The following STK38 variants were observed in gnomAD, a reference collection of about 807,000 sequenced individuals.
The protein encoded by STK38 is serine/threonine kinase 38, also known as serine/threonine-protein kinase 38.
In STK38, 26 loss-of-function variants were observed where a neutral mutation model predicts 59.0. The observed-to-expected ratio is 0.44, with a 90% CI of 0.32 to 0.61. The LOEUF is 0.61. Among genes scored for constraint, STK38 ranks in the 20% least tolerant of loss-of-function variants. The pLI is 0.04. For missense variants in STK38, 433 were observed against 566.0 expected (o/e 0.76, Z 2.38); for synonymous variants, 175 against 176.6 (o/e 0.99, Z 0.07).
intron 2 of STK38, among the ~76,000 whole-genome samples, chr6:36,527,287 CATATACACATATGTATATACGTAT>C (rs1777550764): frequency 7.0e-6 from 1 of 142,012 alleles, no homozygotes; most frequent in Non-Finnish European, 1.5e-5. Context: ...TACATATATA[CATATACACATATGTATATACGTAT>C]ATATACACAC....
chr6:36,538,403 T>C lies in STK38; in HGVS notation c.131+1669A>G, dbSNP rs371474771. On this transcript the variant is annotated intron_variant, in intron 2 of 13. Transcript: ENST00000229812. ...TGAAAACTTTTTCTGGGAGACGTAA[T>C]GTTCTGTTTTGATAAAGGTTTAAGT... Among the ~76,000 whole-genome samples the C allele has an allele frequency of 1.4e-4, 22 of 152,280 alleles. 1 individual carries two copies. The South Asian group carries it at 3.3e-3, about 23-fold the overall frequency.
At chr6:36,496,681 G>T in intron 13 of STK38, 30 bp downstream of exon 13, 1 of 1,520,360 alleles carries the variant, frequency 6.6e-7, no homozygotes, top group Non-Finnish European at 9.1e-7. Flanking sequence ...GTGCTTATAA[G>T]GCAGCAGGAG....
intron 1 of STK38, among the ~76,000 whole-genome samples, chr6:36,540,619 C>T (rs559179243): frequency 6.6e-5 from 10 of 152,254 alleles, no homozygotes; most frequent in East Asian, 1.9e-4. Context: ...GTAAGTCACA[C>T]AAATATATCT....
At chr6:36,525,831 CTTTT>C (rs1777496910) in intron 2 of STK38, among the ~76,000 whole-genome samples, 189 bp from the exon 3 acceptor site, 1 of 151,060 alleles carries the variant, frequency 6.6e-6, no homozygotes, top group Non-Finnish European at 1.5e-5. Flanking sequence ...GTTAGGCCTA[CTTTT>C]TTTTGGCGGG....
chr6:36,521,764 G>C lies in STK38; in HGVS notation c.360C>G (p.Leu120=), dbSNP rs760674990. The stretch of plus-strand genomic sequence containing the variant: ...CTTTTTCAAGCATATCTGCTTTACG[G>C]AGTATTTTCATTGCATACACATGTC... ...DTGHVYAMKI[L]RKADMLEKEQ... is the part of the protein sequence containing the mutation. Residue 120 remains leucine (L), a synonymous_variant, in exon 5 of 14, where the codon CTC becomes CTG. Transcript: ENST00000229812. The C allele has an allele frequency of 3.7e-6, 6 of 1,611,620 alleles. 1 individual carries two copies. The Admixed American group carries it at 1.0e-4, about 27-fold the overall frequency.
intron 10 of STK38, among the ~76,000 whole-genome samples, chr6:36,499,092 A>ATT (rs1354488980): frequency 6.6e-6 from 1 of 152,248 alleles, no homozygotes; most frequent in East Asian, 1.9e-4. Flanking sequence ...AAAGGAGGAC[A>ATT]TAAATAGAGT....
Position 36,494,614 on chromosome 6 carries a change from G to C in STK38, c.*1170C>G, listed in dbSNP as rs1280909523. 6.5e-6 allele frequency: 1 copy of C among 152,674 alleles called. No homozygotes were observed. Among genetic ancestry groups the C allele is most frequent in the Non-Finnish European group, 1.5e-5 (1 of 68,060 alleles). 9.5% of individuals were successfully genotyped at this position (152,674 alleles called of 1,614,324 possible). ...GTTGCAGGCGACCCTTTAGGGTGGGGAGGAGTATCCCCCAGGAAGGCATCT... is the reference window on the plus strand; with the variant it reads ...GTTGCAGGCGACCCTTTAGGGTGGGCAGGAGTATCCCCCAGGAAGGCATCT... On this transcript the variant is annotated 3_prime_UTR_variant, in exon 14 of 14. Coordinates refer to ENST00000229812, the MANE Select transcript of STK38 (RefSeq NM_007271.4).
At chr6:36,513,408 G>A (rs576608992) in intron 7 of STK38, among the ~76,000 whole-genome samples, 9 of 149,852 alleles carry the variant, frequency 6.0e-5, no homozygotes, top group African/African-American at 2.0e-4. Flanking sequence ...TCCACCTCCC[G>A]GGTTCAAGTG....
intron 3 of STK38, 32 bp downstream of exon 3, chr6:36,525,559 G>C: frequency 6.2e-7 from 1 of 1,607,074 alleles, no homozygotes; most frequent in Non-Finnish European, 8.5e-7. Flanking sequence ...GCCACGCTGG[G>C]TTTTAAGGAA....
intron 1 of STK38, among the ~76,000 whole-genome samples, chr6:36,541,883 C>A (rs1464034220): frequency 4.0e-5 from 6 of 148,508 alleles, no homozygotes; most frequent in Non-Finnish European, 1.5e-5. Context: ...TGCTGGAGTA[C>A]AATGATTCAA....
At position 36,515,297 on chromosome 6, in the gene STK38, T is replaced by A. The variant is rs115363038; in HGVS notation, c.669+41A>T. The A allele has an allele frequency of 1.1e-3, 1,783 of 1,602,730 alleles. 19 individuals are homozygous for A. The African/African-American group carries it at 0.022, about 20-fold the overall frequency. On this transcript the variant is annotated intron_variant, in intron 7 of 13. Coordinates refer to ENST00000229812, the MANE Select transcript of STK38 (RefSeq NM_007271.4). ...GGTGTTAAAGCAGAGGCTGCTCAGA[T>A]CAGTAAACGTGCATAGTTCATGCCA...
At chr6:36,505,575 G>A (rs938859751) in intron 9 of STK38, among the ~76,000 whole-genome samples, 1 of 152,140 alleles carries the variant, frequency 6.6e-6, no homozygotes, top group Non-Finnish European at 1.5e-5. Flanking sequence ...GTACTCTAGA[G>A]AACTGTAAAT....
chr6:36,499,151 C>T (rs1389795367), intron 10 of STK38, among the ~76,000 whole-genome samples: 1 of 152,110 alleles, frequency 6.6e-6, no homozygotes, highest in Non-Finnish European at 1.5e-5. Flanking sequence ...AAGGATGAAA[C>T]AATATCATTC....
chr6:36,528,653 T>C (rs1777595400), intron 2 of STK38, among the ~76,000 whole-genome samples: 1 of 152,162 alleles, frequency 6.6e-6, no homozygotes, highest in South Asian at 2.1e-4. Context: ...ATTAATTCCA[T>C]TGCAAGTGGT....
Position 36,534,840 on chromosome 6 carries a change from G to GA in STK38, c.131+5231dup, listed in dbSNP as rs756142387. ...TTCCCAGCTAGTGCACTAAGGCAAGGAAAAAAAAAAAAAAGGTGAATAGAT... is the reference window on the plus strand; with the variant it reads ...TTCCCAGCTAGTGCACTAAGGCAAGGAAAAAAAAAAAAAAAGGTGAATAGAT... On this transcript the variant is annotated intron_variant, in intron 2 of 13. Transcript: ENST00000229812. Among the ~76,000 whole-genome samples the GA allele has an allele frequency of 6.3e-3, 752 of 119,294 alleles. 4 individuals are homozygous for GA. The highest frequency in any genetic ancestry group is 0.021 in the Middle Eastern group (5 of 236). 78.3% of individuals were successfully genotyped at this position (119,294 alleles called of 152,430 possible).
At chr6:36,510,657 CT>C (rs35673462) in intron 7 of STK38, among the ~76,000 whole-genome samples, 36,099 of 152,140 alleles carry the variant, frequency 0.24, 4,512 homozygotes, top group East Asian at 0.39. Context: ...TCATAAATCT[CT>C]TAACTTTATA....
chr6:36,518,596 C>T (rs372566071), intron 5 of STK38, among the ~76,000 whole-genome samples: 2 of 152,296 alleles, frequency 1.3e-5, no homozygotes, highest in East Asian at 1.9e-4. Flanking sequence ...CTCGCTCTGT[C>T]ACTCCGGCTA....
intron 7 of STK38, among the ~76,000 whole-genome samples, chr6:36,508,303 C>G (rs891278612): frequency 8.5e-5 from 13 of 152,118 alleles, no homozygotes; most frequent in African/African-American, 3.1e-4. Flanking sequence ...ACCTTACCAT[C>G]CCCCTAATAC....
intron 1 of STK38, among the ~76,000 whole-genome samples, chr6:36,544,165 C>CAA (rs1261292421): frequency 2.0e-5 from 3 of 152,096 alleles, no homozygotes; most frequent in Admixed American, 2.0e-4. Flanking sequence ...ACTTGAGAGT[C>CAA]AAACATTTTG....
Sources: allele counts gnomAD v4.1 joint callset (sites outside exome capture counted in the v4.1 genomes callset), GRCh38; gene constraint gnomAD v4.1.1; transcripts MANE v1.5; gene names NCBI Gene and HGNC (gene_info 2026-07-23, HGNC 2026-07-21).